PAPPA2: variants seen among roughly 807,000 people sequenced by gnomAD.
The protein encoded by PAPPA2 is pappalysin 2.
In PAPPA2, 86 loss-of-function variants were observed where a neutral mutation model predicts 176.4. The observed-to-expected ratio is 0.49, with a 90% CI of 0.41 to 0.58. The LOEUF (loss-of-function observed/expected upper bound fraction) is 0.58, where lower values mean the gene tolerates loss of function less well. Among genes scored for constraint, PAPPA2 ranks in the 20% least tolerant of loss-of-function variants. The probability of loss-of-function intolerance (pLI) is 0.00; values close to 1 mark genes in which losing one functional copy is unlikely to be tolerated. For missense variants in PAPPA2, 2,073 were observed against 2,256.9 expected (o/e 0.92, Z 1.65); for synonymous variants, 809 against 852.2 (o/e 0.95, Z 0.88).
intron 3 of PAPPA2, among the ~76,000 whole-genome samples, chr1:176,627,006 G>A (rs1328885241): frequency 2.7e-5 from 4 of 150,284 alleles, no homozygotes; most frequent in Non-Finnish European, 5.9e-5. Context: ...TACAGGCCAA[G>A]TCGACATGCC....
chr1:176,732,448 TTC>T (rs1267801032), intron 12 of PAPPA2, among the ~76,000 whole-genome samples: 1 of 152,222 alleles, frequency 6.6e-6, no homozygotes, highest in Non-Finnish European at 1.5e-5. Context: ...ATTGGATGAT[TTC>T]TTTCGGATCT....
At position 176,482,397 on chromosome 1, in the gene PAPPA2, T is replaced by C. The variant is rs1261672298; in HGVS notation, c.-917+18979T>C. 8.5e-5 allele frequency among the ~76,000 whole-genome samples: 13 copies of C among 152,358 alleles called. No individual in the cohort carries two copies. The South Asian group carries it at 2.3e-3, about 27-fold the overall frequency. On this transcript the variant is annotated intron_variant, in intron 1 of 22. Coordinates refer to ENST00000367662, the MANE Select transcript of PAPPA2 (RefSeq NM_020318.3). ...AGATTCAACTTCATCATGGATACTT[T>C]GGGCGAGTCACTAAACTCATCAATT...
In PAPPA2 at chr1:176,699,030, G is replaced by T. The variant is rs1660515809; in HGVS notation, c.2747-70G>T. 9.3e-6 allele frequency: 14 copies of T among 1,510,718 alleles called. No individual in the cohort carries two copies. In the South Asian group the frequency reaches 1.8e-4, roughly 20 times the overall value. The allele number at this position is 1,510,718 out of a possible 1,614,324, so 93.6% of individuals were successfully genotyped here. ...CTCTCCATAGTTCCTCTTTCTGGCT[G>T]CTAAGGGCTACTCATTTTCTGACTT... On this transcript the variant is annotated intron_variant, in intron 7 of 22. Coordinates refer to ENST00000367662, the MANE Select transcript of PAPPA2 (RefSeq NM_020318.3).
chr1:176,749,613 A>G lies in PAPPA2; in HGVS notation c.4151+9417A>G, dbSNP rs547016839. ...TTCTGCCTATTCACCACCATACCCT[A>G]CATCCCTGCTGTCCCAAACTTCTCA... On this transcript the variant is annotated intron_variant, in intron 14 of 22. Coordinates refer to ENST00000367662, the MANE Select transcript of PAPPA2 (RefSeq NM_020318.3). Among the ~76,000 whole-genome samples, 7 of 152,234 alleles carry G rather than the reference A, an allele frequency of 4.6e-5. 1 individual carries two copies. The highest frequency in any genetic ancestry group is 1.3e-4 in the Admixed American group (2 of 15,274).
At chr1:176,495,271 T>C (rs1404484542) in intron 1 of PAPPA2, among the ~76,000 whole-genome samples, 2 of 152,068 alleles carry the variant, frequency 1.3e-5, no homozygotes, top group Non-Finnish European at 2.9e-5. Context: ...TTAAGAAACT[T>C]AACAGCTGCC....
At chr1:176,734,641 G>A (rs1662314446) in intron 12 of PAPPA2, among the ~76,000 whole-genome samples, 1 of 152,032 alleles carries the variant, frequency 6.6e-6, no homozygotes, top group Non-Finnish European at 1.5e-5. Flanking sequence ...ATTAGATTTG[G>A]ATTTCAGGTA....
intron 3 of PAPPA2, among the ~76,000 whole-genome samples, chr1:176,643,121 T>C (rs1490986700): frequency 6.6e-6 from 1 of 151,958 alleles, no homozygotes; most frequent in Non-Finnish European, 1.5e-5. Flanking sequence ...AAGTGCTTTA[T>C]ATAGCATGCC....
intron 1 of PAPPA2, among the ~76,000 whole-genome samples, chr1:176,540,135 G>T (rs1402460477): frequency 6.6e-6 from 1 of 152,124 alleles, no homozygotes; most frequent in Non-Finnish European, 1.5e-5. Flanking sequence ...TGTTTTTTCA[G>T]ATCTCTGGGA....
chr1:176,629,106 A>G (rs566933710), intron 3 of PAPPA2, among the ~76,000 whole-genome samples: 5 of 152,358 alleles, frequency 3.3e-5, no homozygotes, highest in East Asian at 3.9e-4. Flanking sequence ...GGTTATATAC[A>G]GTATCAGAGC....
intron 1 of PAPPA2, among the ~76,000 whole-genome samples, chr1:176,499,498 T>G (rs970822311): frequency 1.3e-5 from 2 of 152,204 alleles, no homozygotes; most frequent in African/African-American, 4.8e-5. Context: ...GAGACATATA[T>G]TTAAATGATC....
chr1:176,596,742 A>G (rs1654007990), intron 3 of PAPPA2, among the ~76,000 whole-genome samples: 1 of 152,204 alleles, frequency 6.6e-6, no homozygotes, highest in Non-Finnish European at 1.5e-5. Context: ...TGATGAATAA[A>G]TGGATCTGGT....
chr1:176,743,635 G>T (rs1397714413), intron 14 of PAPPA2, among the ~76,000 whole-genome samples: 2 of 152,260 alleles, frequency 1.3e-5, no homozygotes, highest in African/African-American at 2.4e-5. Context: ...AATGGGATTT[G>T]CAGTGTGTCT....
At chr1:176,558,385 A>G (rs933012093) in intron 2 of PAPPA2, among the ~76,000 whole-genome samples, 2 of 152,208 alleles carry the variant, frequency 1.3e-5, no homozygotes, top group Non-Finnish European at 2.9e-5. Context: ...GGATGCCTGC[A>G]AAGTTTCAGA....
intron 3 of PAPPA2, among the ~76,000 whole-genome samples, chr1:176,666,596 TGTGTGTGTGTGTGA>T (rs1436158345): frequency 1.4e-5 from 2 of 140,728 alleles, no homozygotes; most frequent in African/African-American, 5.3e-5. Flanking sequence ...TGTGTGTGTG[TGTGTGTGTGTGTGA>T]GAGAGAGAGA....
chr1:176,697,849 C>CA (rs1279165304), intron 7 of PAPPA2, among the ~76,000 whole-genome samples: 1 of 152,064 alleles, frequency 6.6e-6, no homozygotes, highest in Admixed American at 6.6e-5. Flanking sequence ...CTTGTTCACT[C>CA]CTCTATCTCT....
chr1:176,653,457 A>C (rs1388892920), intron 3 of PAPPA2, among the ~76,000 whole-genome samples: 1 of 151,728 alleles, frequency 6.6e-6, no homozygotes, highest in African/African-American at 2.4e-5. Flanking sequence ...GAATTTGGGT[A>C]CATCTCCTCA....
intron 4 of PAPPA2, among the ~76,000 whole-genome samples, chr1:176,683,397 T>C (rs1659679155): frequency 6.6e-6 from 1 of 152,200 alleles, no homozygotes; most frequent in South Asian, 2.1e-4. Flanking sequence ...AGCCCATTCA[T>C]ATCGTTTTCC....
At chr1:176,634,775 G>A (rs186139711) in intron 3 of PAPPA2, among the ~76,000 whole-genome samples, 4 of 150,938 alleles carry the variant, frequency 2.7e-5, no homozygotes, top group South Asian at 2.1e-4. Context: ...GGATTAATAG[G>A]TGTAGTTAAA....
intron 3 of PAPPA2, among the ~76,000 whole-genome samples, chr1:176,661,089 A>G (rs1317065366): frequency 6.6e-6 from 1 of 152,066 alleles, no homozygotes; most frequent in Non-Finnish European, 1.5e-5. Context: ...TTCTCACACT[A>G]TTTCTTCAGT....
Sources: gnomAD v4.1 joint callset for allele counts (sites outside exome capture counted in the v4.1 genomes callset) on GRCh38, gnomAD v4.1.1 for gene constraint, MANE v1.5 for transcripts, NCBI Gene and HGNC (gene_info 2026-07-23, HGNC 2026-07-21) for gene names.